Variants in PTPN14 observed in about 807,000 individuals in gnomAD.
PTPN14 encodes the protein protein tyrosine phosphatase non-receptor type 14, also known as tyrosine-protein phosphatase non-receptor type 14.
In PTPN14, 53 loss-of-function variants were observed where a neutral mutation model predicts 126.8. The observed-to-expected ratio is 0.42, with a 90% CI of 0.34 to 0.53. PTPN14 has a LOEUF of 0.53. PTPN14 is among the 20% of genes least tolerant of loss of function. PTPN14 has a pLI of 0.08. For synonymous variants in PTPN14, 630 were observed against 599.3 expected (o/e 1.05, Z -0.75); for missense variants, 1,257 against 1,552.9 (o/e 0.81, Z 3.20).
intron 16 of PTPN14, among the ~76,000 whole-genome samples, chr1:214,371,492 A>T (rs1416352718): frequency 1.3e-5 from 2 of 152,088 alleles, no homozygotes; most frequent in African/African-American, 4.8e-5. Context: ...TCTGGACTAT[A>T]GTTTTCCATT....
rs150315137 is a variant in PTPN14, at chr1:214,371,046, A to G, written c.3037-1355T>C. Reference sequence around the variant, plus strand: ...GTGAAAGCAGATTTACCTCGAATTTACATTTCTGCTGAGTGTCTAAATCAG... The same window carrying G: ...GTGAAAGCAGATTTACCTCGAATTTGCATTTCTGCTGAGTGTCTAAATCAG... On this transcript the variant is annotated intron_variant, in intron 16 of 18. Coordinates refer to ENST00000366956, the MANE Select transcript of PTPN14 (RefSeq NM_005401.5). 1.1e-3 allele frequency among the ~76,000 whole-genome samples: 174 copies of G among 152,278 alleles called. 2 individuals are homozygous for G. Among genetic ancestry groups the G allele is most frequent in the African/African-American group, 3.9e-3 (161 of 41,566 alleles).
At chr1:214,491,655 C>A (rs983996332) in intron 1 of PTPN14, among the ~76,000 whole-genome samples, 2 of 152,240 alleles carry the variant, frequency 1.3e-5, no homozygotes, top group Middle Eastern at 6.8e-3. Flanking sequence ...TCCTAACAGG[C>A]CAGGGACTGG....
chr1:214,447,630 C>A (rs1010399262), intron 3 of PTPN14, among the ~76,000 whole-genome samples: 7 of 152,044 alleles, frequency 4.6e-5, no homozygotes, highest in African/African-American at 1.7e-4. Flanking sequence ...CTCACTCTGA[C>A]ACCCCTTGGC....
In PTPN14 at chr1:214,383,994, G is replaced by A; in HGVS notation, c.1861C>T (p.Leu621Phe). Residue 621 changes from leucine (L) to phenylalanine (F), a missense_variant, in exon 13 of 19, where the codon CTC (leucine) becomes TTC (phenylalanine). Leu to Phe is a conservative substitution (Grantham distance 22). Transcript: ENST00000366956. This position sits in a 1 kb window ranked among gnomAD's most constrained non-coding sequence, Gnocchi z 4.4. ...GTGAGGGGCTCGCTCACCTCCTGGA[G>A]AGACTGATGAACCACCGGAGAGCTG... ...EDSSPVVHQS[L>F]QEVSEPLTAT... 6.2e-7 allele frequency: 1 copy of A among 1,609,324 alleles called. No homozygotes were observed. The highest frequency in any genetic ancestry group is 1.1e-5 in the South Asian group (1 of 91,054).
intron 1 of PTPN14, among the ~76,000 whole-genome samples, chr1:214,507,616 C>A (rs1027678919): frequency 4.6e-5 from 7 of 152,148 alleles, no homozygotes; most frequent in Non-Finnish European, 8.8e-5. Context: ...TTGCACCAAA[C>A]TGATGTAATC....
chr1:214,427,547 G>A (rs558106435), intron 3 of PTPN14, among the ~76,000 whole-genome samples: 69 of 152,154 alleles, frequency 4.5e-4, no homozygotes, highest in Middle Eastern at 3.4e-3. Context: ...AAAGCTTAAT[G>A]AGCACCTACT....
chr1:214,430,595 T>A (rs184864526), intron 3 of PTPN14, among the ~76,000 whole-genome samples: 1 of 152,298 alleles, frequency 6.6e-6, no homozygotes, highest in East Asian at 1.9e-4. Flanking sequence ...AGAATTTGTG[T>A]TTGGACTTGA....
intron 13 of PTPN14, among the ~76,000 whole-genome samples, chr1:214,379,184 A>G (rs1658414660): frequency 6.6e-6 from 1 of 152,224 alleles, no homozygotes; most frequent in African/African-American, 2.4e-5. Flanking sequence ...ATTTTGATTC[A>G]CAATGAAGGG....
At chr1:214,401,860 G>A in intron 6 of PTPN14, 88 bp from the exon 7 acceptor site, 2 of 1,075,318 alleles carry the variant, frequency 1.9e-6, no homozygotes, top group Non-Finnish European at 2.8e-6. Context: ...CCAGAGCTGT[G>A]GTTTAGCTCT....
At chr1:214,542,984 A>G (rs1186094651) in intron 1 of PTPN14, among the ~76,000 whole-genome samples, 1 of 152,194 alleles carries the variant, frequency 6.6e-6, no homozygotes, top group Non-Finnish European at 1.5e-5. Context: ...GGGAATATCA[A>G]TGATATCACT....
chr1:214,400,256 C>T (rs72757972), intron 7 of PTPN14, among the ~76,000 whole-genome samples: 2 of 152,188 alleles, frequency 1.3e-5, no homozygotes, highest in African/African-American at 4.8e-5. Context: ...TTACCACCCC[C>T]CACTGGTACT....
At chr1:214,392,148 G>A (rs979045042) in intron 10 of PTPN14, among the ~76,000 whole-genome samples, 1 of 152,124 alleles carries the variant, frequency 6.6e-6, no homozygotes, top group Admixed American at 6.5e-5. Flanking sequence ...ATAACATCGT[G>A]CTGGGACGCT....
At chr1:214,446,488 G>A (rs1398963379) in intron 3 of PTPN14, among the ~76,000 whole-genome samples, 1 of 152,140 alleles carries the variant, frequency 6.6e-6, no homozygotes, top group African/African-American at 2.4e-5. Flanking sequence ...AAAAAAAGCA[G>A]TGCCTCCTAA....
intron 1 of PTPN14, among the ~76,000 whole-genome samples, chr1:214,524,920 A>C (rs1050452043): frequency 6.6e-6 from 1 of 152,184 alleles, no homozygotes; most frequent in African/African-American, 2.4e-5. Context: ...TTTCAAAATA[A>C]GTTATGAAAC....
At position 214,356,840 on chromosome 1, in the gene PTPN14, A is replaced by G. The variant is rs1289973487; in HGVS notation, c.*1082T>C. 1.3e-5 allele frequency: 2 copies of G among 152,214 alleles called. No homozygotes were observed. Among genetic ancestry groups the G allele is most frequent in the African/African-American group, 4.8e-5 (2 of 41,456 alleles). The allele number at this position is 152,214 out of a possible 1,614,324, so 9.4% of individuals were successfully genotyped here. A position where few individuals can be genotyped will look rare whatever the true frequency, so the allele number is the denominator to read the frequency against. Reference sequence around the variant, plus strand: ...TAGCTAAATGCCTTACAGCTCCCATAAATCAGCTTCCCCATCTGTTTCCTT... The same window carrying G: ...TAGCTAAATGCCTTACAGCTCCCATGAATCAGCTTCCCCATCTGTTTCCTT... On this transcript the variant is annotated 3_prime_UTR_variant, in exon 19 of 19. Transcript: ENST00000366956.
intron 1 of PTPN14, among the ~76,000 whole-genome samples, chr1:214,545,424 T>C (rs941497743): frequency 1.3e-5 from 2 of 152,116 alleles, no homozygotes; most frequent in Non-Finnish European, 2.9e-5. Flanking sequence ...CAATCTACTC[T>C]TGAGATAACA....
At chr1:214,488,398 T>C (rs1661161796) in intron 1 of PTPN14, among the ~76,000 whole-genome samples, 1 of 152,070 alleles carries the variant, frequency 6.6e-6, no homozygotes, top group Non-Finnish European at 1.5e-5. Context: ...CCACCTACCA[T>C]AAAACACTTT....
intron 1 of PTPN14, among the ~76,000 whole-genome samples, chr1:214,505,358 G>C (rs572178726): frequency 5.2e-4 from 79 of 152,268 alleles, no homozygotes; most frequent in Non-Finnish European, 9.1e-4. Flanking sequence ...AACGCTTCAA[G>C]GAGAAGGATC....
chr1:214,497,709 C>T (rs1654565001), intron 1 of PTPN14, among the ~76,000 whole-genome samples: 1 of 152,174 alleles, frequency 6.6e-6, no homozygotes, highest in African/African-American at 2.4e-5. Flanking sequence ...GTGGCAAAAG[C>T]AAATGCAGCA....
Sources: allele counts gnomAD v4.1 joint callset (sites outside exome capture counted in the v4.1 genomes callset), GRCh38; gene constraint gnomAD v4.1.1; non-coding constraint Gnocchi (gnomAD v3.1); transcripts MANE v1.5; gene names NCBI Gene and HGNC (gene_info 2026-07-23, HGNC 2026-07-21).